Variants in LHFPL6 observed in about 807,000 individuals in gnomAD.
LHFPL6 encodes LHFPL tetraspan subfamily member 6, also known as LHFPL tetraspan subfamily member 6 protein.
Under a neutral mutation model 20.6 loss-of-function variants are expected in LHFPL6, and 9 were observed. That is an observed-to-expected ratio of 0.44 (90% CI 0.26 to 0.76). The LOEUF is 0.76. Among genes scored for constraint, LHFPL6 ranks in the 30% least tolerant of loss-of-function variants. LHFPL6 has a pLI of 0.20. For synonymous variants in LHFPL6, 105 were observed against 98.7 expected (o/e 1.06, Z -0.38); for missense variants, 218 against 253.5 (o/e 0.86, Z 0.95).
intron 2 of LHFPL6, among the ~76,000 whole-genome samples, chr13:39,378,979 G>A (rs139841068): frequency 6.6e-6 from 1 of 152,038 alleles, no homozygotes; most frequent in African/African-American, 2.4e-5. Context: ...TTTTCCCAGG[G>A]GCAGAAAGAA....
chr13:39,445,202 TA>T (rs1872253795), intron 2 of LHFPL6, among the ~76,000 whole-genome samples: 1 of 152,228 alleles, frequency 6.6e-6, no homozygotes, highest in Non-Finnish European at 1.5e-5. Flanking sequence ...CTATTGTTTA[TA>T]AATTACCCAT....
intron 3 of LHFPL6, among the ~76,000 whole-genome samples, chr13:39,367,493 A>T (rs4142535): frequency 0.061 from 9,306 of 152,286 alleles, 435 homozygotes; most frequent in African/African-American, 0.13. Context: ...AATATCCCTT[A>T]ACAAATACTT....
At chr13:39,557,499 C>T (rs967965138) in intron 2 of LHFPL6, among the ~76,000 whole-genome samples, 3 of 152,214 alleles carry the variant, frequency 2.0e-5, no homozygotes, top group African/African-American at 7.2e-5. Flanking sequence ...AGTACACAGT[C>T]CCCACCAGGG....
intron 2 of LHFPL6, among the ~76,000 whole-genome samples, chr13:39,585,251 A>G (rs934817948): frequency 1.3e-5 from 2 of 152,250 alleles, no homozygotes; most frequent in African/African-American, 4.8e-5. Flanking sequence ...GCTAAGGAGC[A>G]CAATATCAAA....
chr13:39,396,637 A>AAT (rs199844385), intron 2 of LHFPL6, among the ~76,000 whole-genome samples: 7,548 of 152,150 alleles, frequency 0.05, 184 homozygotes, highest in Middle Eastern at 0.071. Flanking sequence ...CTCTCCAAAA[A>AAT]ACAAAAATTA....
chr13:39,453,017 C>A (rs1257219909), intron 2 of LHFPL6, among the ~76,000 whole-genome samples: 1 of 144,818 alleles, frequency 6.9e-6, no homozygotes, highest in Non-Finnish European at 1.6e-5. Context: ...AAAGAGGCCT[C>A]CCTGGAATCC....
intron 2 of LHFPL6, among the ~76,000 whole-genome samples, chr13:39,555,176 T>C (rs1022664998): frequency 6.6e-6 from 1 of 152,232 alleles, no homozygotes; most frequent in African/African-American, 2.4e-5. Flanking sequence ...AATATGACTA[T>C]GTTAAATTCA....
rs58916234 is a variant in LHFPL6, at chr13:39,352,865, GTATA to G, written c.485-8815_485-8812del. Reference sequence around the variant, plus strand: ...TATATATATAAATGTATATATATGTGTATATATATATATAAATGTATATATATGT... The same window carrying G: ...TATATATATAAATGTATATATATGTGTATATATATAAATGTATATATATGT... On this transcript the variant is annotated intron_variant, in intron 3 of 3. Coordinates refer to ENST00000379589, the MANE Select transcript of LHFPL6 (RefSeq NM_005780.3). 1.1e-3 allele frequency among the ~76,000 whole-genome samples: 41 copies of G among 36,412 alleles called. 7 individuals are homozygous for G. Among genetic ancestry groups the G allele is most frequent in the African/African-American group, 2.2e-3 (24 of 10,810 alleles). 23.9% of individuals were successfully genotyped at this position (36,412 alleles called of 152,430 possible).
chr13:39,405,801 C>T (rs1484911095), intron 2 of LHFPL6, among the ~76,000 whole-genome samples: 4 of 152,166 alleles, frequency 2.6e-5, no homozygotes, highest in Non-Finnish European at 5.9e-5. Context: ...TTCTAGGGAG[C>T]TCCAGGGTGA....
chr13:39,547,998 C>T (rs929903917), intron 2 of LHFPL6, among the ~76,000 whole-genome samples: 7 of 151,910 alleles, frequency 4.6e-5, no homozygotes, highest in African/African-American at 1.5e-4. Flanking sequence ...GGAAAATCAA[C>T]AAAATTTAAA....
chr13:39,416,455 C>T (rs1245076355), intron 2 of LHFPL6, among the ~76,000 whole-genome samples: 1 of 151,850 alleles, frequency 6.6e-6, no homozygotes. Flanking sequence ...AACTGTGGTG[C>T]CACACAATGA....
intron 3 of LHFPL6, among the ~76,000 whole-genome samples, chr13:39,355,619 C>T (rs1869705421): frequency 6.6e-6 from 1 of 152,110 alleles, no homozygotes; most frequent in South Asian, 2.1e-4. Flanking sequence ...AAGACCCAGC[C>T]ATCTGCTGTC....
chr13:39,563,957 A>G (rs117840084), intron 2 of LHFPL6, among the ~76,000 whole-genome samples: 4,655 of 152,264 alleles, frequency 0.031, 135 homozygotes, highest in Non-Finnish European at 0.052. Flanking sequence ...CACTTGTTGT[A>G]TATCCCCCAA....
At chr13:39,531,955 C>T (rs912305797) in intron 2 of LHFPL6, among the ~76,000 whole-genome samples, 1 of 152,056 alleles carries the variant, frequency 6.6e-6, no homozygotes, top group Non-Finnish European at 1.5e-5. Context: ...AAGTATAGTT[C>T]ATGTGCTTCT....
At chr13:39,561,354 G>A (rs1262085618) in intron 2 of LHFPL6, among the ~76,000 whole-genome samples, 1 of 152,104 alleles carries the variant, frequency 6.6e-6, no homozygotes, top group Non-Finnish European at 1.5e-5. Context: ...CAAACCTACA[G>A]CATCAGAATC....
intron 2 of LHFPL6, among the ~76,000 whole-genome samples, chr13:39,591,388 T>C (rs534447525): frequency 3.9e-5 from 6 of 152,264 alleles, no homozygotes; most frequent in Admixed American, 6.5e-5. Flanking sequence ...TCATTCTTTT[T>C]TATGAGTGTA....
chr13:39,569,771 T>G (rs1871854199), intron 2 of LHFPL6, among the ~76,000 whole-genome samples: 1 of 152,224 alleles, frequency 6.6e-6, no homozygotes, highest in Admixed American at 6.5e-5. Context: ...ATTAATAAAT[T>G]AATATCTTCA....
chr13:39,349,202 A>G (rs1180634453), intron 3 of LHFPL6, among the ~76,000 whole-genome samples: 2 of 152,216 alleles, frequency 1.3e-5, no homozygotes, highest in African/African-American at 4.8e-5. Flanking sequence ...TTTTTAAAAT[A>G]ATTATTAATT....
chr13:39,346,881 C>T (rs886218699), intron 3 of LHFPL6, among the ~76,000 whole-genome samples: 5 of 151,834 alleles, frequency 3.3e-5, no homozygotes, highest in Admixed American at 6.6e-5. Context: ...AAAAATTAGC[C>T]GGGCAAATTT....
Sources: gnomAD v4.1 joint callset for allele counts (sites outside exome capture counted in the v4.1 genomes callset) on GRCh38, gnomAD v4.1.1 for gene constraint, MANE v1.5 for transcripts, NCBI Gene and HGNC (gene_info 2026-07-23, HGNC 2026-07-21) for gene names.